Variants in PKNOX1 observed in about 807,000 individuals in gnomAD.
PKNOX1 encodes homeobox protein PKNOX1.
PKNOX1 carries 15 observed loss-of-function variants against 51.9 expected under a neutral mutation model. The observed-to-expected ratio is 0.29, with a 90% CI of 0.19 to 0.45. The LOEUF is 0.45. PKNOX1 is among the 20% of genes least tolerant of loss of function. PKNOX1 has a pLI of 1.00. For synonymous variants in PKNOX1, 219 were observed against 211.1 expected (o/e 1.04, Z -0.32); for missense variants, 462 against 547.5 (o/e 0.84, Z 1.56).
Position 43,033,366 on chromosome 21 carries a change from G to A in PKNOX1, c.*3265G>A, listed in dbSNP as rs1357615779. On this transcript the variant is annotated 3_prime_UTR_variant, in exon 11 of 11. Coordinates refer to ENST00000291547, the MANE Select transcript of PKNOX1 (RefSeq NM_004571.5). Reference sequence around the variant, plus strand: ...TGAGACAAACTCCAGGGTGTCCAGAGGGGGTTCTGCCCCTTGTGAAGGCCC... The same window carrying A: ...TGAGACAAACTCCAGGGTGTCCAGAAGGGGTTCTGCCCCTTGTGAAGGCCC... The A allele has an allele frequency of 6.6e-6, 1 of 152,654 alleles. No homozygotes were observed. The highest frequency in any genetic ancestry group is 1.5e-5 in the Non-Finnish European group (1 of 68,046). The allele number at this position is 152,654 out of a possible 1,614,324, so 9.5% of individuals were successfully genotyped here. A position where few individuals can be genotyped will look rare whatever the true frequency, so the allele number is the denominator to read the frequency against.
intron 1 of PKNOX1, among the ~76,000 whole-genome samples, chr21:42,987,696 G>A (rs2059062133): frequency 1.3e-5 from 2 of 148,202 alleles, no homozygotes; most frequent in Non-Finnish European, 3.0e-5. Flanking sequence ...TCGGCTCACT[G>A]CAAGCTCTGC....
At chr21:42,985,807 T>C (rs1176096687) in intron 1 of PKNOX1, among the ~76,000 whole-genome samples, 1 of 149,894 alleles carries the variant, frequency 6.7e-6, no homozygotes, top group Non-Finnish European at 1.5e-5. Context: ...GAGACCAGCC[T>C]GGTCAACATG....
rs1225865121 is a variant in PKNOX1, at chr21:43,032,343, G to C, written c.*2242G>C. 6 of 334,856 alleles carry C rather than the reference G, an allele frequency of 1.8e-5. No individual in the cohort carries two copies. Among genetic ancestry groups the C allele is most frequent in the African/African-American group, 5.3e-5 (2 of 37,464 alleles). 20.7% of individuals were successfully genotyped at this position (334,856 alleles called of 1,614,324 possible). ...CTCACCACCCTCCGTCTCTTCGGCT[G>C]CTTGCTCTTTAGTGTAGATTAGTGG... is the stretch of plus-strand genomic sequence containing the variant. On this transcript the variant is annotated 3_prime_UTR_variant, in exon 11 of 11. Transcript: ENST00000291547.
rs1601308633 is a variant in PKNOX1, at chr21:43,030,330, T to G, written c.*229T>G. On this transcript the variant is annotated 3_prime_UTR_variant, in exon 11 of 11. Transcript: ENST00000291547. ...GTGTGTGGATTTTTAAAGAAATTCT[T>G]TAAAGGTTTAACGCTAGATTGTGAG... The G allele has an allele frequency of 2.7e-6, 1 of 376,466 alleles. No homozygotes were observed. The highest frequency in any genetic ancestry group is 7.2e-4 in the Middle Eastern group (1 of 1,398). 23.3% of individuals were successfully genotyped at this position (376,466 alleles called of 1,614,324 possible).
intron 1 of PKNOX1, among the ~76,000 whole-genome samples, chr21:42,979,116 T>A (rs937314895): frequency 4.6e-5 from 7 of 152,202 alleles, no homozygotes; most frequent in African/African-American, 1.7e-4. Flanking sequence ...GCCTCGGCTG[T>A]CTCTTAAGTT....
chr21:42,996,332 T>C (rs957408632), intron 1 of PKNOX1, among the ~76,000 whole-genome samples: 9 of 152,042 alleles, frequency 5.9e-5, no homozygotes, highest in Admixed American at 5.2e-4. Flanking sequence ...AAAATTTAAC[T>C]AAGAGGAAAC....
At position 43,021,018 on chromosome 21, in the gene PKNOX1, A is replaced by G. The variant is rs921655644; in HGVS notation, c.721-285A>G. On this transcript the variant is annotated intron_variant, in intron 7 of 10. Transcript: ENST00000291547. This position sits in a 1 kb window ranked among gnomAD's most constrained non-coding sequence, Gnocchi z 4.6. ...CAGCTACCCAGGAGGCTGAGCTGGA[A>G]GAATCACTTGAGCCCAGGAGTTCAA... The G allele has an allele frequency of 2.5e-5, 5 of 199,694 alleles. No individual in the cohort carries two copies. The highest frequency in any genetic ancestry group is 1.7e-4 in the South Asian group (2 of 11,668). 12.4% of individuals were successfully genotyped at this position (199,694 alleles called of 1,614,324 possible). A position where few individuals can be genotyped will look rare whatever the true frequency, so the allele number is the denominator to read the frequency against.
At chr21:42,984,764 T>A (rs184650775) in intron 1 of PKNOX1, among the ~76,000 whole-genome samples, 184 of 152,128 alleles carry the variant, frequency 1.2e-3, no homozygotes, top group Admixed American at 4.0e-3. Flanking sequence ...TTTGATACTT[T>A]CTGTGTTTTG....
At chr21:42,975,011 A>C (rs1601258470) in intron 1 of PKNOX1, among the ~76,000 whole-genome samples, 1 of 142,170 alleles carries the variant, frequency 7.0e-6, no homozygotes. Context: ...GCGCGCTCCT[A>C]ACCGTCCCTT....
chr21:43,013,452 AT>A (rs1441594439), intron 5 of PKNOX1, among the ~76,000 whole-genome samples: 2 of 152,208 alleles, frequency 1.3e-5, no homozygotes, highest in Non-Finnish European at 2.9e-5. Flanking sequence ...CCCCGGTCCC[AT>A]GTTTATGGAA....
intron 1 of PKNOX1, among the ~76,000 whole-genome samples, chr21:42,984,974 C>CTTTTTTTTTTTT (rs71195904): frequency 1.7e-4 from 10 of 58,002 alleles, no homozygotes; most frequent in East Asian, 5.8e-4. Context: ...ATTTTCTTTT[C>CTTTTTTTTTTTT]TTTTTTTTTT....
chr21:43,026,524 C>T (rs1275997653), intron 9 of PKNOX1, among the ~76,000 whole-genome samples: 2 of 152,032 alleles, frequency 1.3e-5, no homozygotes, highest in South Asian at 2.1e-4. Flanking sequence ...TTTGGGAGGC[C>T]GAGGTGGGCA....
In PKNOX1 at chr21:43,008,061, TCACACACACA is replaced by T. The variant is rs56932866; in HGVS notation, c.179+470_179+479del. On this transcript the variant is annotated intron_variant, in intron 3 of 10. Coordinates refer to ENST00000291547, the MANE Select transcript of PKNOX1 (RefSeq NM_004571.5). Reference sequence around the variant, plus strand: ...CCTGGGCAACGAGAGCAAAACTCTGTCACACACACACACACACACACACACACACACACAC... The same window carrying T: ...CCTGGGCAACGAGAGCAAAACTCTGTCACACACACACACACACACACACAC... Among the ~76,000 whole-genome samples the T allele has an allele frequency of 4.5e-3, 662 of 146,882 alleles. 4 individuals are homozygous for T. Among genetic ancestry groups the T allele is most frequent in the African/African-American group, 0.016 (624 of 38,438 alleles).
intron 1 of PKNOX1, among the ~76,000 whole-genome samples, chr21:42,977,513 T>C (rs926477430): frequency 1.3e-5 from 2 of 150,068 alleles, no homozygotes; most frequent in Non-Finnish European, 3.0e-5. Flanking sequence ...TTAAACCTCA[T>C]GAACCAGCCT....
At chr21:43,018,469 G>GCGCCCCCCCCCCCCCC (rs1555862658) in intron 7 of PKNOX1, among the ~76,000 whole-genome samples, 1 of 11,044 alleles carries the variant, frequency 9.1e-5, no homozygotes. Context: ...ACCACCCCCT[G>GCGCCCCCCCCCCCCCC]CCACCCACAC....
intron 7 of PKNOX1, among the ~76,000 whole-genome samples, chr21:43,019,263 A>G (rs1979646727): frequency 6.7e-6 from 1 of 149,926 alleles, no homozygotes; most frequent in Non-Finnish European, 1.5e-5. Context: ...TGTCGGGTGC[A>G]TGTCTATAAT....
At chr21:43,008,897 A>G (rs371267533) in intron 3 of PKNOX1, among the ~76,000 whole-genome samples, 10 of 152,394 alleles carry the variant, frequency 6.6e-5, no homozygotes, top group South Asian at 6.2e-4. Flanking sequence ...AAACGTGTAC[A>G]TGAATTTTCA....
At chr21:42,981,265 G>A (rs1482866502) in intron 1 of PKNOX1, among the ~76,000 whole-genome samples, 1 of 152,246 alleles carries the variant, frequency 6.6e-6, no homozygotes, top group Non-Finnish European at 1.5e-5. Flanking sequence ...GGTGGAAAGA[G>A]CCAGCAGGCC....
At chr21:42,978,865 C>T (rs2059012064) in intron 1 of PKNOX1, among the ~76,000 whole-genome samples, 1 of 152,082 alleles carries the variant, frequency 6.6e-6, no homozygotes, top group East Asian at 1.9e-4. Context: ...AGTGGTCCTC[C>T]TGCCTCAGCC....
Sources: gnomAD v4.1 joint callset for allele counts (sites outside exome capture counted in the v4.1 genomes callset) on GRCh38, gnomAD v4.1.1 for gene constraint, Gnocchi (gnomAD v3.1) non-coding constraint, MANE v1.5 for transcripts, NCBI Gene and HGNC (gene_info 2026-07-23, HGNC 2026-07-21) for gene names.